The following MAPKAP1 variants were observed in gnomAD, a reference collection of about 807,000 sequenced individuals.
MAPKAP1 encodes MAPK associated protein 1.
Under a neutral mutation model 65.7 loss-of-function variants are expected in MAPKAP1, and 20 were observed. The observed-to-expected ratio is 0.30, with a 90% CI of 0.21 to 0.44. The LOEUF (loss-of-function observed/expected upper bound fraction) is 0.44. Ranked by LOEUF, MAPKAP1 falls within the 20% of genes least tolerant of loss-of-function variation. The probability of loss-of-function intolerance (pLI) is 1.00; values close to 1 mark genes in which losing one functional copy is unlikely to be tolerated. For synonymous variants in MAPKAP1, 222 were observed against 244.3 expected (o/e 0.91, Z 0.85); for missense variants, 423 against 648.0 (o/e 0.65, Z 3.77).
intron 10 of MAPKAP1, among the ~76,000 whole-genome samples, chr9:125,449,312 ACATACATCCCTG>A (rs1852850949): frequency 6.6e-6 from 1 of 152,166 alleles, no homozygotes; most frequent in South Asian, 2.1e-4. Flanking sequence ...CTTATATGTC[ACATACATCCCTG>A]CATATAGCAG....
chr9:125,557,033 G>A (rs1392903104), intron 6 of MAPKAP1, among the ~76,000 whole-genome samples: 1 of 152,146 alleles, frequency 6.6e-6, no homozygotes, highest in East Asian at 1.9e-4. Context: ...ATAGAAAAAG[G>A]ATTGACTGGG....
intron 5 of MAPKAP1, among the ~76,000 whole-genome samples, chr9:125,578,018 A>C (rs932984983): frequency 1.3e-5 from 2 of 151,920 alleles, no homozygotes; most frequent in East Asian, 2.0e-4. Context: ...AAGATTGAGA[A>C]ATCGGATGGT....
In MAPKAP1 at chr9:125,585,742, A is replaced by C; in HGVS notation, c.499-15T>G. On this transcript the variant is annotated splice_polypyrimidine_tract_variant and intron_variant, in intron 4 of 11. Coordinates refer to ENST00000265960, the MANE Select transcript of MAPKAP1 (RefSeq NM_001006617.3). ...CCTACATGACCCTGTGGACAGAACA[A>C]ACACGTGAGAGCAAAGCACACTGCC... 1 of 1,612,202 alleles carries C rather than the reference A, an allele frequency of 6.2e-7. No homozygotes were observed. Among genetic ancestry groups the C allele is most frequent in the Non-Finnish European group, 8.5e-7 (1 of 1,178,478 alleles).
At chr9:125,505,157 C>T (rs1294724602) in intron 8 of MAPKAP1, among the ~76,000 whole-genome samples, 1 of 151,930 alleles carries the variant, frequency 6.6e-6, no homozygotes, top group African/African-American at 2.4e-5. Flanking sequence ...AACCGCCGGG[C>T]GCGGTGGCTC....
intron 4 of MAPKAP1, among the ~76,000 whole-genome samples, chr9:125,611,630 A>T (rs1022497604): frequency 9.2e-5 from 14 of 152,236 alleles, no homozygotes; most frequent in African/African-American, 3.1e-4. Context: ...ATCTTAAAAC[A>T]TCAAAATGAA....
chr9:125,534,157 G>T (rs1164157155), intron 7 of MAPKAP1, among the ~76,000 whole-genome samples: 2 of 151,842 alleles, frequency 1.3e-5, no homozygotes, highest in African/African-American at 4.9e-5. Context: ...GAATATGTAA[G>T]TGATTTTAAA....
chr9:125,548,935 A>T (rs1830506108), intron 6 of MAPKAP1, among the ~76,000 whole-genome samples: 1 of 152,238 alleles, frequency 6.6e-6, no homozygotes, highest in African/African-American at 2.4e-5. Flanking sequence ...TCATATAACT[A>T]ATAAGTCCTG....
At chr9:125,572,990 C>G (rs1589299264) in intron 5 of MAPKAP1, 1 of 151,534 alleles carries the variant, frequency 6.6e-6, no homozygotes, top group Admixed American at 6.6e-5. Flanking sequence ...GCAAGAAACC[C>G]TCATAGTTAG....
intron 7 of MAPKAP1, among the ~76,000 whole-genome samples, chr9:125,518,594 C>T (rs1829532023): frequency 6.6e-6 from 1 of 152,164 alleles, no homozygotes; most frequent in Non-Finnish European, 1.5e-5. Flanking sequence ...TGCTTAAACC[C>T]AGGAGTTCAA....
chr9:125,670,974 G>A (rs950605299), intron 2 of MAPKAP1, among the ~76,000 whole-genome samples: 1 of 150,620 alleles, frequency 6.6e-6, no homozygotes, highest in Admixed American at 6.7e-5. Context: ...AACTATGCTG[G>A]GAAGAGCATT....
At chr9:125,502,165 G>C (rs569844200) in intron 8 of MAPKAP1, among the ~76,000 whole-genome samples, 5 of 151,072 alleles carry the variant, frequency 3.3e-5, no homozygotes, top group African/African-American at 7.3e-5. Flanking sequence ...GTAGTGGCAT[G>C]ATCTCAGCTC....
chr9:125,561,542 G>A (rs568854214), intron 5 of MAPKAP1, among the ~76,000 whole-genome samples: 66 of 152,232 alleles, frequency 4.3e-4, no homozygotes, highest in African/African-American at 1.3e-3. Flanking sequence ...CTCTGCAGCC[G>A]GGTACTAACT....
chr9:125,613,552 G>A (rs1372402594), intron 4 of MAPKAP1, among the ~76,000 whole-genome samples: 1 of 152,126 alleles, frequency 6.6e-6, no homozygotes, highest in African/African-American at 2.4e-5. Flanking sequence ...TGTTACGACT[G>A]CATCACAGTC....
chr9:125,677,541 TA>T (rs1437348079), intron 1 of MAPKAP1, among the ~76,000 whole-genome samples: 1 of 151,882 alleles, frequency 6.6e-6, no homozygotes, highest in Non-Finnish European at 1.5e-5. Context: ...ACTAAAAATA[TA>T]AAAAGTAGGG....
rs1554845653 is a variant in MAPKAP1, at chr9:125,698,296, T to TATAA, written c.-70+8674_-70+8675insTTAT. On this transcript the variant is annotated intron_variant, in intron 1 of 11. Coordinates refer to ENST00000265960, the MANE Select transcript of MAPKAP1 (RefSeq NM_001006617.3). ...AATACATAATATATATAAATATATA[T>TATAA]ATATATATATATATATATATATATA... 2.0e-3 allele frequency among the ~76,000 whole-genome samples: 20 copies of TATAA among 10,066 alleles called. 1 individual carries two copies. In the East Asian group the frequency reaches 0.033, roughly 16 times the overall value. The allele number at this position is 10,066 out of a possible 152,430, so 6.6% of individuals were successfully genotyped here. A position where few individuals can be genotyped will look rare whatever the true frequency, so the allele number is the denominator to read the frequency against.
chr9:125,629,831 C>T lies in MAPKAP1; in HGVS notation c.498+27820G>A, dbSNP rs145696371. ...TGCAGGCATGGTTCACTCCCAAACACCTATACTAGTCGAAGCAGACAAGGC... is the reference window on the plus strand; with the variant it reads ...TGCAGGCATGGTTCACTCCCAAACATCTATACTAGTCGAAGCAGACAAGGC... On this transcript the variant is annotated intron_variant, in intron 4 of 11. Transcript: ENST00000265960. Among the ~76,000 whole-genome samples the T allele has an allele frequency of 3.3e-4, 50 of 152,272 alleles. No individual in the cohort carries two copies. In the East Asian group the frequency reaches 9.5e-3, roughly 29 times the overall value.
chr9:125,503,577 G>A (rs903660364), intron 8 of MAPKAP1, among the ~76,000 whole-genome samples: 3 of 152,108 alleles, frequency 2.0e-5, no homozygotes, highest in African/African-American at 7.2e-5. Flanking sequence ...GTAAAACCCT[G>A]CATAATTTTC....
intron 1 of MAPKAP1, among the ~76,000 whole-genome samples, chr9:125,698,339 A>T (rs1273352283): frequency 7.4e-5 from 8 of 108,502 alleles, no homozygotes; most frequent in South Asian, 3.0e-4. Flanking sequence ...ATATATATAA[A>T]ATATATATAT....
chr9:125,600,097 G>C (rs192931526), intron 4 of MAPKAP1, among the ~76,000 whole-genome samples: 1 of 152,058 alleles, frequency 6.6e-6, no homozygotes, highest in Admixed American at 6.6e-5. Context: ...GTTATCAAAT[G>C]AAGTTTGATT....
Sources: gnomAD v4.1 joint callset for allele counts (sites outside exome capture counted in the v4.1 genomes callset) on GRCh38, gnomAD v4.1.1 for gene constraint, MANE v1.5 for transcripts, NCBI Gene and HGNC (gene_info 2026-07-23, HGNC 2026-07-21) for gene names.